The following AGAP1 variants were observed in gnomAD, a reference collection of about 807,000 sequenced individuals.
The protein encoded by AGAP1 is arf-GAP with GTPase, ANK repeat and PH domain-containing protein 1.
A neutral mutation model predicts 105.3 loss-of-function variants in AGAP1; 29 were observed. That is an observed-to-expected ratio of 0.28 (90% CI 0.21 to 0.38). The LOEUF (loss-of-function observed/expected upper bound fraction) is 0.38. AGAP1 is among the 10% of genes least tolerant of loss of function. The probability of loss-of-function intolerance (pLI) is 1.00; values close to 1 mark genes in which losing one functional copy is unlikely to be tolerated. For missense variants in AGAP1, 998 were observed against 1,165.1 expected, an observed-to-expected ratio of 0.86 and a Z score of 2.09; for synonymous variants, 509 against 485.9, an observed-to-expected ratio of 1.05 and a Z score of -0.63.
rs960659189 is a variant in AGAP1, at chr2:236,119,834, A to G, written c.2115-358A>G. ...AGTTTTCTTTCCAAGGACAGCTTCT[A>G]CACTAAAAGTGACAGAAGCAGCACC... On this transcript the variant is annotated intron_variant, in intron 16 of 17. Coordinates refer to ENST00000304032, the MANE Select transcript of AGAP1 (RefSeq NM_001037131.3). This position sits in a 1 kb window ranked among gnomAD's most constrained non-coding sequence, Gnocchi z 6.6. Among the ~76,000 whole-genome samples, 8 of 152,032 alleles carry G rather than the reference A, an allele frequency of 5.3e-5. No homozygotes were observed. Among genetic ancestry groups the G allele is most frequent in the Non-Finnish European group, 4.4e-5 (3 of 67,992 alleles).
chr2:235,590,535 G>A lies in AGAP1; in HGVS notation c.163+95686G>A, dbSNP rs186794122. On this transcript the variant is annotated intron_variant, in intron 1 of 17. Coordinates refer to ENST00000304032, the MANE Select transcript of AGAP1 (RefSeq NM_001037131.3). ...ATGCCCAGAGACAGGGCTTCTGGGG[G>A]TCACCAGCAATGCCTTTCACTGCCC... Among the ~76,000 whole-genome samples the A allele has an allele frequency of 1.3e-3, 199 of 152,114 alleles. 2 individuals are homozygous for A. Among genetic ancestry groups the A allele is most frequent in the Middle Eastern group, 0.01 (3 of 294 alleles).
chr2:236,057,047 G>A (rs1329355852), intron 16 of AGAP1, among the ~76,000 whole-genome samples: 1 of 152,176 alleles, frequency 6.6e-6, no homozygotes, highest in Non-Finnish European at 1.5e-5. Flanking sequence ...CCACTTCACA[G>A]CAGCTTCACT....
chr2:236,081,412 CGG>C (rs2058779384), intron 16 of AGAP1, among the ~76,000 whole-genome samples: 1 of 152,178 alleles, frequency 6.6e-6, no homozygotes, highest in Admixed American at 6.5e-5. Flanking sequence ...TGCATTTGGA[CGG>C]ACACTTTGTG....
chr2:235,943,894 A>T (rs963184302), intron 12 of AGAP1, among the ~76,000 whole-genome samples: 20 of 152,158 alleles, frequency 1.3e-4, no homozygotes, highest in Non-Finnish European at 2.6e-4. Flanking sequence ...TGAATATATC[A>T]TGTTACATCT....
rs1559212602 is a variant in AGAP1, at chr2:236,035,969, C to T, written c.1646-592C>T. On this transcript the variant is annotated intron_variant, in intron 13 of 17. Transcript: ENST00000304032. The surrounding 1 kb of genome is among the most constrained non-coding windows in gnomAD (Gnocchi z 4.2). ...TCCTCTCTTCCCATTGCAGACATGG[C>T]CCCAGAGTAGCTACCAAGTCTGGGG... is the stretch of plus-strand genomic sequence containing the variant. 3.3e-5 allele frequency among the ~76,000 whole-genome samples: 5 copies of T among 152,004 alleles called. No homozygotes were observed.
In AGAP1 at chr2:235,968,484, A is replaced by G. The variant is rs375244775; in HGVS notation, c.1506A>G (p.Val502=). The change falls in exon 13 of 18, where the codon GTA becomes GTG. Residue 502 remains valine, a synonymous_variant. Coordinates refer to ENST00000304032, the MANE Select transcript of AGAP1 (RefSeq NM_001037131.3). Reference sequence around the variant, plus strand: ...CAGACACAGGGCTGGGTGACTCCGTATGCTCCAGCCCCAGTATCTCCAGCA... The same window carrying G: ...CAGACACAGGGCTGGGTGACTCCGTGTGCTCCAGCCCCAGTATCTCCAGCA... ...ISSDTGLGDS[V]CSSPSISSTT... is the part of the protein sequence containing the mutation. The G allele has an allele frequency of 7.5e-6, 12 of 1,595,372 alleles. No individual in the cohort carries two copies. The highest frequency in any genetic ancestry group is 1.0e-5 in the Non-Finnish European group (12 of 1,174,546).
intron 12 of AGAP1, among the ~76,000 whole-genome samples, chr2:235,943,762 A>AG (rs2053369630): frequency 6.6e-6 from 1 of 152,234 alleles, no homozygotes; most frequent in African/African-American, 2.4e-5. Flanking sequence ...TAACATGGCT[A>AG]GGTCGAGAGA....
At chr2:236,006,752 G>A (rs928974050) in intron 13 of AGAP1, among the ~76,000 whole-genome samples, 1 of 152,060 alleles carries the variant, frequency 6.6e-6, no homozygotes, top group Non-Finnish European at 1.5e-5. Flanking sequence ...GTGTGTGTAC[G>A]GATATGAACT....
chr2:235,767,552 C>G (rs1955067762), intron 6 of AGAP1, among the ~76,000 whole-genome samples: 1 of 152,152 alleles, frequency 6.6e-6, no homozygotes, highest in South Asian at 2.1e-4. Flanking sequence ...ACTGACACTC[C>G]TGGGAGCATG....
At chr2:236,019,600 G>A (rs1389942937) in intron 13 of AGAP1, among the ~76,000 whole-genome samples, 4 of 152,334 alleles carry the variant, frequency 2.6e-5, no homozygotes, top group Middle Eastern at 3.4e-3. Flanking sequence ...TCAGGAAGAC[G>A]GGGCTGGAAT....
intron 13 of AGAP1, among the ~76,000 whole-genome samples, chr2:236,019,666 G>A (rs1191406031): frequency 6.6e-6 from 1 of 152,238 alleles, no homozygotes; most frequent in East Asian, 1.9e-4. Context: ...AGCCTGCAGC[G>A]CCCTTAGGCT....
intron 6 of AGAP1, among the ~76,000 whole-genome samples, chr2:235,785,527 T>A (rs1359246480): frequency 6.6e-6 from 1 of 152,198 alleles, no homozygotes; most frequent in African/African-American, 2.4e-5. Flanking sequence ...TATCTTGATC[T>A]TCTCATCTTT....
At position 235,788,368 on chromosome 2, in the gene AGAP1, G is replaced by A. The variant is rs1308344666; in HGVS notation, c.674-9391G>A. On this transcript the variant is annotated intron_variant, in intron 6 of 17. Coordinates refer to ENST00000304032, the MANE Select transcript of AGAP1 (RefSeq NM_001037131.3). The surrounding 1 kb of genome is among the most constrained non-coding windows in gnomAD (Gnocchi z 6.0). Reference sequence around the variant, plus strand: ...AGTCCACCAAAAGGATAAACAGCTAGGAGCCCACTAGTAAGCCAGGATGGT... The same window carrying A: ...AGTCCACCAAAAGGATAAACAGCTAAGAGCCCACTAGTAAGCCAGGATGGT... Among the ~76,000 whole-genome samples the A allele has an allele frequency of 2.0e-5, 3 of 152,160 alleles. No homozygotes were observed. The highest frequency in any genetic ancestry group is 7.2e-5 in the African/African-American group (3 of 41,438).
rs1431551784 is a variant in AGAP1 at position 235,976,638 on chromosome 2, G to C, written c.1645+8015G>C. On this transcript the variant is annotated intron_variant, in intron 13 of 17. Coordinates refer to ENST00000304032, the MANE Select transcript of AGAP1 (RefSeq NM_001037131.3). This position sits in a 1 kb window ranked among gnomAD's most constrained non-coding sequence, Gnocchi z 4.5. ...CCTACTGCACGCAAGAGTTTTGTCT[G>C]ATGCTGGATGGGACATCAACTGAAG... is the stretch of plus-strand genomic sequence containing the variant. Among the ~76,000 whole-genome samples, 1 of 152,146 alleles carries C rather than the reference G, an allele frequency of 6.6e-6. No individual in the cohort carries two copies. Among genetic ancestry groups the C allele is most frequent in the Admixed American group, 6.5e-5 (1 of 15,270 alleles).
At chr2:236,063,247 T>G (rs375815082) in intron 16 of AGAP1, among the ~76,000 whole-genome samples, 51 of 151,942 alleles carry the variant, frequency 3.4e-4, no homozygotes, top group African/African-American at 1.2e-3. Flanking sequence ...CCGCCACCAT[T>G]AATGGCTAAT....
chr2:236,014,756 T>C lies in AGAP1; in HGVS notation c.1646-21805T>C, dbSNP rs2056636818. The C allele has an allele frequency of 2.5e-6, 1 of 407,878 alleles. No individual in the cohort carries two copies. The highest frequency in any genetic ancestry group is 3.6e-4 in the Middle Eastern group (1 of 2,758). The allele number at this position is 407,878 out of a possible 1,614,324, so 25.3% of individuals were successfully genotyped here. A position where few individuals can be genotyped will look rare whatever the true frequency, so the allele number is the denominator to read the frequency against. ...CCTTTTCATTTGTTTTCTTTTCCTT[T>C]TTGTTTTCTCTCTTTTTCCCCTCTC... is the stretch of plus-strand genomic sequence containing the variant. On this transcript the variant is annotated intron_variant, in intron 13 of 17. Transcript: ENST00000304032. This position sits in a 1 kb window ranked among gnomAD's most constrained non-coding sequence, Gnocchi z 6.3.
At chr2:235,895,384 CTT>C (rs1339849373) in intron 10 of AGAP1, among the ~76,000 whole-genome samples, 4 of 152,154 alleles carry the variant, frequency 2.6e-5, no homozygotes, top group African/African-American at 9.7e-5. Context: ...CTATCGCTGT[CTT>C]TGTTTTCTTT....
In AGAP1 at chr2:236,079,592, A is replaced by G. The variant is rs535004109; in HGVS notation, c.2114+30311A>G. Among the ~76,000 whole-genome samples, 4 of 152,020 alleles carry G rather than the reference A, an allele frequency of 2.6e-5. No homozygotes were observed. In the South Asian group the frequency reaches 8.3e-4, roughly 32 times the overall value. ...CACATACATACACACACACATATAC[A>G]TATACATACATACATATATATATAG... On this transcript the variant is annotated intron_variant, in intron 16 of 17. Transcript: ENST00000304032.
Position 235,968,359 on chromosome 2 carries a change from TG to T in AGAP1, c.1484-101del. 2.1e-6 allele frequency: 3 copies of T among 1,396,242 alleles called. No homozygotes were observed. The South Asian group carries it at 4.4e-5, about 21-fold the overall frequency. The allele number at this position is 1,396,242 out of a possible 1,614,324, so 86.5% of individuals were successfully genotyped here. ...TGGGATGTTATTTGCAGGGCCTGTG[TG>T]GTATGAGAGGAGCGTGGCTGTGCTG... On this transcript the variant is annotated intron_variant, in intron 12 of 17. Coordinates refer to ENST00000304032, the MANE Select transcript of AGAP1 (RefSeq NM_001037131.3).
Sources: gnomAD v4.1 joint callset for allele counts (sites outside exome capture counted in the v4.1 genomes callset) on GRCh38, gnomAD v4.1.1 for gene constraint, Gnocchi (gnomAD v3.1) non-coding constraint, MANE v1.5 for transcripts, NCBI Gene and HGNC (gene_info 2026-07-23, HGNC 2026-07-21) for gene names.